The following KCNQ5 variants were observed in gnomAD, a reference collection of about 807,000 sequenced individuals.
The protein encoded by KCNQ5 is potassium voltage-gated channel subfamily KQT member 5.
A neutral mutation model predicts 98.2 loss-of-function variants in KCNQ5; 30 were observed. The ratio of observed to expected loss-of-function variants is 0.31; its 90% CI spans 0.23 to 0.41. KCNQ5 has a LOEUF of 0.41. KCNQ5 is among the 10% of genes least tolerant of loss of function. The probability of loss-of-function intolerance (pLI) is 1.00; values close to 1 mark genes in which losing one functional copy is unlikely to be tolerated. For synonymous variants in KCNQ5, 458 were observed against 449.4 expected (o/e 1.02, Z -0.24); for missense variants, 835 against 1,182.5 (o/e 0.71, Z 4.31).
intron 1 of KCNQ5, among the ~76,000 whole-genome samples, chr6:72,876,328 T>C (rs903903062): frequency 2.0e-5 from 3 of 152,164 alleles, no homozygotes; most frequent in Non-Finnish European, 4.4e-5. Context: ...AAAGAAAAAT[T>C]AAGCAAGCTC....
intron 1 of KCNQ5, among the ~76,000 whole-genome samples, chr6:72,753,512 C>T (rs1161030260): frequency 6.6e-6 from 1 of 151,940 alleles, no homozygotes; most frequent in African/African-American, 2.4e-5. Flanking sequence ...AAGAAAATGC[C>T]AAATGTTTTC....
rs1009261596 is a variant in KCNQ5, at chr6:73,172,104, T to G, written c.1577+2250T>G. Among the ~76,000 whole-genome samples, 3 of 152,216 alleles carry G rather than the reference T, an allele frequency of 2.0e-5. No homozygotes were observed. The South Asian group carries it at 6.2e-4, about 32-fold the overall frequency. ...TTGCTTTTCAGAATTCTTTCTTGGT[T>G]CTTATTTTTAATGGAACTTTACTAT... On this transcript the variant is annotated intron_variant, in intron 11 of 13. Coordinates refer to ENST00000370398, the MANE Select transcript of KCNQ5 (RefSeq NM_019842.4).
intron 1 of KCNQ5, among the ~76,000 whole-genome samples, chr6:72,958,067 A>G (rs1432551290): frequency 1.3e-5 from 2 of 152,152 alleles, no homozygotes; most frequent in East Asian, 1.9e-4. Flanking sequence ...GGCACATAAT[A>G]GGTGCTCCAT....
At chr6:72,919,189 C>T (rs941333802) in intron 1 of KCNQ5, among the ~76,000 whole-genome samples, 1 of 152,102 alleles carries the variant, frequency 6.6e-6, no homozygotes, top group Non-Finnish European at 1.5e-5. Context: ...TGCCTCTGGT[C>T]CAGTCATCTG....
intron 1 of KCNQ5, chr6:72,987,638 G>A (rs1002427936): frequency 4.9e-6 from 3 of 608,572 alleles, no homozygotes; most frequent in East Asian, 7.8e-5. Flanking sequence ...GACTGTGACC[G>A]GGCCATGAGC....
At chr6:73,181,920 T>C (rs1340120616) in intron 11 of KCNQ5, among the ~76,000 whole-genome samples, 4 of 152,244 alleles carry the variant, frequency 2.6e-5, no homozygotes, top group Admixed American at 2.6e-4. Flanking sequence ...TGCTATCTAA[T>C]ATTATCATTT....
intron 1 of KCNQ5, among the ~76,000 whole-genome samples, chr6:72,929,012 T>A (rs953986866): frequency 5.3e-5 from 8 of 152,126 alleles, no homozygotes; most frequent in Non-Finnish European, 1.5e-5. Context: ...AAGTCATGCG[T>A]ATAGAAGTAT....
At position 73,120,652 on chromosome 6, in the gene KCNQ5, C is replaced by CA. The variant is rs559520498; in HGVS notation, c.1220+82dup. The CA allele has an allele frequency of 2.5e-3, 2,167 of 881,724 alleles. 40 individuals carry two copies. The African/African-American group carries it at 0.032, about 13-fold the overall frequency. The allele number at this position is 881,724 out of a possible 1,614,324, so 54.6% of individuals were successfully genotyped here. ...GTTAAACAAACCATACCCACACACA[C>CA]AAAAAAAGGTGTTAATGTTTGGCTT... On this transcript the variant is annotated intron_variant, in intron 8 of 13. Transcript: ENST00000370398.
chr6:73,161,947 A>C (rs1777628962), intron 10 of KCNQ5, among the ~76,000 whole-genome samples: 1 of 151,640 alleles, frequency 6.6e-6, no homozygotes, highest in African/African-American at 2.4e-5. Context: ...ATGGAGTTTC[A>C]CTCTTGTCAC....
Position 73,190,700 on chromosome 6 carries a change from A to G in KCNQ5, c.1705A>G (p.Thr569Ala). ...DMLCRIKSLQ[T>A]RVDQILGKGQ... is the part of the protein sequence containing the mutation. ...GTTGTGTAGAATTAAAAGCCTTCAA[A>G]CACGGTAAGCAATGGAAATGTCATT... The change falls in exon 12 of 14, where the codon ACA becomes GCA. Residue 569 changes from threonine to alanine, a missense_variant. Physicochemically the swap from Thr to Ala is moderately conservative, Grantham distance 58 (BLOSUM62 0). Around this residue, in one of 10 missense-constraint regions of KCNQ5, gnomAD observed 416 missense variants for 446.9 expected, o/e 0.93. Coordinates refer to ENST00000370398, the MANE Select transcript of KCNQ5 (RefSeq NM_019842.4). 6.4e-7 allele frequency: 1 copy of G among 1,561,816 alleles called. No individual in the cohort carries two copies. Among genetic ancestry groups the G allele is most frequent in the Non-Finnish European group, 8.7e-7 (1 of 1,152,314 alleles).
intron 1 of KCNQ5, among the ~76,000 whole-genome samples, chr6:72,965,492 G>GTA (rs1001995906): frequency 6.6e-6 from 1 of 152,154 alleles, no homozygotes; most frequent in African/African-American, 2.4e-5. Flanking sequence ...AGAAATGGCT[G>GTA]TATCTCCTTC....
At chr6:73,164,054 A>G (rs1322460296) in intron 10 of KCNQ5, among the ~76,000 whole-genome samples, 1 of 152,100 alleles carries the variant, frequency 6.6e-6, no homozygotes, top group Non-Finnish European at 1.5e-5. Context: ...TCAGTGTTTA[A>G]TATTGTGTTT....
At chr6:73,121,617 T>C (rs778180007) in intron 8 of KCNQ5, among the ~76,000 whole-genome samples, 1 of 152,144 alleles carries the variant, frequency 6.6e-6, no homozygotes, top group Non-Finnish European at 1.5e-5. Context: ...AGTGGCTTCA[T>C]GGGATTCAGG....
At position 73,050,257 on chromosome 6, in the gene KCNQ5, G is replaced by GGGAAGGAAGGAAGGAAGGAA. The variant is rs1208611192; in HGVS notation, c.616+8230_616+8249dup. 1.4e-3 allele frequency among the ~76,000 whole-genome samples: 108 copies of GGGAAGGAAGGAAGGAAGGAA among 76,316 alleles called. 1 individual carries two copies. Among genetic ancestry groups the GGGAAGGAAGGAAGGAAGGAA allele is most frequent in the African/African-American group, 6.4e-3 (101 of 15,810 alleles). 50.1% of individuals were successfully genotyped at this position (76,316 alleles called of 152,430 possible). A position where few individuals can be genotyped will look rare whatever the true frequency, so the allele number is the denominator to read the frequency against. ...AAGGAAGGAAGGAAAGAAGGAAGGAGGGAAGGAAGGAAGGAAGGAAGGAAG... is the reference window on the plus strand; with the variant it reads ...AAGGAAGGAAGGAAAGAAGGAAGGAGGGAAGGAAGGAAGGAAGGAAGGAAGGAAGGAAGGAAGGAAGGAAG... On this transcript the variant is annotated intron_variant, in intron 3 of 13. Transcript: ENST00000370398.
At chr6:72,676,616 C>G (rs1056692748) in intron 1 of KCNQ5, among the ~76,000 whole-genome samples, 1 of 152,056 alleles carries the variant, frequency 6.6e-6, no homozygotes, top group Admixed American at 6.6e-5. Flanking sequence ...ACTATTCATC[C>G]CTTTAGATTG....
chr6:73,192,706 C>T lies in KCNQ5; in HGVS notation c.1836+15C>T, dbSNP rs754489643. 9 of 1,540,334 alleles carry T rather than the reference C, an allele frequency of 5.8e-6. No homozygotes were observed. The highest frequency in any genetic ancestry group is 2.1e-5 in the Admixed American group (1 of 48,732). On this transcript the variant is annotated intron_variant, in intron 13 of 13. Transcript: ENST00000370398. ...TTGAAAAACAGGTACAACTCAACTA[C>T]GCTGGGTATCTTTTTAGCCAGAATT...
chr6:72,635,725 A>T (rs553508358), intron 1 of KCNQ5, among the ~76,000 whole-genome samples: 2 of 126,502 alleles, frequency 1.6e-5, no homozygotes, highest in South Asian at 4.9e-4. Flanking sequence ...CCTTTCTGGA[A>T]TGGTGTTTCT....
At chr6:72,848,260 C>G (rs544312766) in intron 1 of KCNQ5, among the ~76,000 whole-genome samples, 1 of 151,552 alleles carries the variant, frequency 6.6e-6, no homozygotes, top group Non-Finnish European at 1.5e-5. Flanking sequence ...CATAGGTATA[C>G]GTGTGCCATG....
At position 73,123,854 on chromosome 6, in the gene KCNQ5, A is replaced by G. The variant is rs551879324; in HGVS notation, c.1221-632A>G. On this transcript the variant is annotated intron_variant, in intron 8 of 13. Transcript: ENST00000370398. ...TAAGAAAACCAAAACCTGCAAGCAA[A>G]TAAGGTGCCTGCCCAAAGGCACACA... is the stretch of plus-strand genomic sequence containing the variant. 9.2e-5 allele frequency among the ~76,000 whole-genome samples: 14 copies of G among 152,286 alleles called. No individual in the cohort carries two copies. The East Asian group carries it at 1.4e-3, about 15-fold the overall frequency.
Sources: gnomAD v4.1 joint callset for allele counts (sites outside exome capture counted in the v4.1 genomes callset) on GRCh38, gnomAD v4.1.1 for gene constraint, gnomAD v4.1.1 regional missense constraint, MANE v1.5 for transcripts, NCBI Gene and HGNC (gene_info 2026-07-23, HGNC 2026-07-21) for gene names.